Variants in HAUS6 observed in about 807,000 individuals in gnomAD.
HAUS6 encodes HAUS augmin-like complex subunit 6.
In HAUS6, 80 loss-of-function variants were observed where a neutral mutation model predicts 106.8. That is an observed-to-expected ratio of 0.75 (90% confidence interval 0.63 to 0.90). HAUS6 has a LOEUF of 0.90. HAUS6 is among the 40% of genes least tolerant of loss of function. The pLI, the probability that HAUS6 is intolerant of heterozygous loss-of-function variation, is 0.00. For synonymous variants in HAUS6, 356 were observed against 379.1 expected (o/e 0.94, Z 0.71); for missense variants, 1,155 against 1,118.1 (o/e 1.03, Z -0.47).
chr9:19,061,885 C>T (rs1042800769), intron 14 of HAUS6, among the ~76,000 whole-genome samples: 4 of 152,154 alleles, frequency 2.6e-5, no homozygotes, highest in Admixed American at 1.3e-4. Context: ...TTGGACAATG[C>T]TCATTTAGTT....
chr9:19,089,015 G>C (rs1457260683), intron 5 of HAUS6, among the ~76,000 whole-genome samples: 1 of 152,144 alleles, frequency 6.6e-6, no homozygotes. Context: ...GGCTGAGATG[G>C]GCAGAATACG....
In HAUS6 at chr9:19,085,413, TCTC is replaced by T. The variant is rs536211403; in HGVS notation, c.699+1318_699+1320del. On this transcript the variant is annotated intron_variant, in intron 7 of 16. Coordinates refer to ENST00000380502, the MANE Select transcript of HAUS6 (RefSeq NM_017645.5). ...AAGGAAGTGACTTTGCCTTGCCTGTTCTCCTCATTGTTGTAGCCCTAATGTCTA... is the reference window on the plus strand; with the variant it reads ...AAGGAAGTGACTTTGCCTTGCCTGTTCTCATTGTTGTAGCCCTAATGTCTA... Among the ~76,000 whole-genome samples, 631 of 152,252 alleles carry T rather than the reference TCTC, an allele frequency of 4.1e-3. 2 individuals are homozygous for T. The highest frequency in any genetic ancestry group is 0.015 in the African/African-American group (605 of 41,562).
chr9:19,095,662 G>A (rs2131155094), intron 2 of HAUS6, among the ~76,000 whole-genome samples: 1 of 152,090 alleles, frequency 6.6e-6, no homozygotes, highest in East Asian at 1.9e-4. Context: ...TATCAAAAAT[G>A]AAAATAATGC....
intron 12 of HAUS6, among the ~76,000 whole-genome samples, chr9:19,066,962 G>A (rs1836771794): frequency 6.6e-6 from 1 of 150,830 alleles, no homozygotes; most frequent in African/African-American, 2.4e-5. Context: ...AGCTATGACT[G>A]CACCACTGCA....
intron 4 of HAUS6, among the ~76,000 whole-genome samples, chr9:19,089,928 G>A (rs955473739): frequency 6.6e-6 from 1 of 152,042 alleles, no homozygotes; most frequent in Non-Finnish European, 1.5e-5. Flanking sequence ...AACCTTCCGG[G>A]TTCAAGCAAT....
chr9:19,093,365 T>C lies in HAUS6; in HGVS notation c.304-62A>G. The C allele has an allele frequency of 3.6e-6, 5 of 1,384,560 alleles. 1 individual carries two copies. In the South Asian group the frequency reaches 3.7e-5, roughly 10 times the overall value. 85.8% of individuals were successfully genotyped at this position (1,384,560 alleles called of 1,614,324 possible). On this transcript the variant is annotated intron_variant, in intron 3 of 16. Coordinates refer to ENST00000380502, the MANE Select transcript of HAUS6 (RefSeq NM_017645.5). ...GTTAACAATAACTCTTACATTTACA[T>C]CACACTATTTTTGTTAAAGGGTGTG... is the stretch of plus-strand genomic sequence containing the variant.
At chr9:19,076,122 G>A (rs534446738) in intron 11 of HAUS6, among the ~76,000 whole-genome samples, 25 of 152,064 alleles carry the variant, frequency 1.6e-4, no homozygotes, top group Admixed American at 1.4e-3. Flanking sequence ...CACTTTGGGA[G>A]GCTGAGACGG....
rs1042779241 is a variant in HAUS6 at position 19,053,213 on chromosome 9, A to G, written c.*3130T>C. The G allele has an allele frequency of 2.4e-4, 36 of 152,206 alleles. No individual in the cohort carries two copies. Among genetic ancestry groups the G allele is most frequent in the African/African-American group, 8.2e-4 (34 of 41,466 alleles). The allele number at this position is 152,206 out of a possible 1,614,324, so 9.4% of individuals were successfully genotyped here. On this transcript the variant is annotated 3_prime_UTR_variant, in exon 17 of 17. Coordinates refer to ENST00000380502, the MANE Select transcript of HAUS6 (RefSeq NM_017645.5). ...AGAGAGTCCCATAGAGGATTCTCAA[A>G]TATTTTAAACTTAGGATGCAGACTG...
At chr9:19,089,672 A>C (rs1198711821) in intron 4 of HAUS6, 113 bp from the exon 5 acceptor site, 22 of 648,744 alleles carry the variant, frequency 3.4e-5, no homozygotes, top group Admixed American at 7.0e-5. Flanking sequence ...CCCACTGCTA[A>C]ATCTGATTGA....
At chr9:19,086,894 A>T in intron 6 of HAUS6, 112 bp from the exon 7 acceptor site, 1 of 632,402 alleles carries the variant, frequency 1.6e-6, no homozygotes, top group Non-Finnish European at 2.8e-6. Flanking sequence ...CCCAACAAAA[A>T]ATAAAATTTA....
chr9:19,082,049 T>G (rs1837162493), intron 8 of HAUS6, among the ~76,000 whole-genome samples: 1 of 152,142 alleles, frequency 6.6e-6, no homozygotes, highest in African/African-American at 2.4e-5. Flanking sequence ...TGGAAATAAC[T>G]GGATGGAGTT....
Position 19,062,921 on chromosome 9 carries a change from C to T in HAUS6, c.1629+87G>A, listed in dbSNP as rs1441490637. 2.6e-5 allele frequency: 26 copies of T among 1,010,826 alleles called. No homozygotes were observed. In the Admixed American group the frequency reaches 5.0e-4, roughly 19 times the overall value. The allele number at this position is 1,010,826 out of a possible 1,614,324, so 62.6% of individuals were successfully genotyped here. A position where few individuals can be genotyped will look rare whatever the true frequency, so the allele number is the denominator to read the frequency against. ...GCTCAAATGTTCCTCTTGCCGAAAC[C>T]TCCCCAAGTGTTGGGATTACAGACA... On this transcript the variant is annotated intron_variant, in intron 14 of 16. Coordinates refer to ENST00000380502, the MANE Select transcript of HAUS6 (RefSeq NM_017645.5).
chr9:19,093,154 T>G lies in HAUS6; in HGVS notation c.436+17A>C. The G allele has an allele frequency of 6.8e-7, 1 of 1,464,710 alleles. No homozygotes were observed. The highest frequency in any genetic ancestry group is 1.4e-5 in the African/African-American group (1 of 69,666). The allele number at this position is 1,464,710 out of a possible 1,614,324, so 90.7% of individuals were successfully genotyped here. A position where few individuals can be genotyped will look rare whatever the true frequency, so the allele number is the denominator to read the frequency against. ...TTTAAGAATCAAAACAAAAAATCTTTTATAAGTTGAACTTACTTTTAGAAT... is the reference window on the plus strand; with the variant it reads ...TTTAAGAATCAAAACAAAAAATCTTGTATAAGTTGAACTTACTTTTAGAAT... On this transcript the variant is annotated intron_variant, in intron 4 of 16. Coordinates refer to ENST00000380502, the MANE Select transcript of HAUS6 (RefSeq NM_017645.5).
At chr9:19,102,157 C>A (rs544653510) in intron 1 of HAUS6, among the ~76,000 whole-genome samples, 1 of 152,240 alleles carries the variant, frequency 6.6e-6, no homozygotes, top group African/African-American at 2.4e-5. Flanking sequence ...TCCCTTGAGT[C>A]CAAAAGGTGT....
intron 1 of HAUS6, among the ~76,000 whole-genome samples, chr9:19,097,518 A>G (rs1311444301): frequency 6.6e-6 from 1 of 152,154 alleles, no homozygotes; most frequent in African/African-American, 2.4e-5. Flanking sequence ...ATCACTGGCC[A>G]TCAGAGAAAT....
chr9:19,093,600 G>A (rs1465637040), intron 3 of HAUS6, among the ~76,000 whole-genome samples: 1 of 152,150 alleles, frequency 6.6e-6, no homozygotes, highest in Non-Finnish European at 1.5e-5. Context: ...TGGGTGTGGT[G>A]GCTCATACCT....
At chr9:19,099,455 C>T (rs990169636) in intron 1 of HAUS6, among the ~76,000 whole-genome samples, 17 of 152,018 alleles carry the variant, frequency 1.1e-4, no homozygotes, top group African/African-American at 3.6e-4. Flanking sequence ...CGTGAGCCAC[C>T]GCACCCGGCC....
rs765471166 is a variant in HAUS6 at position 19,102,666 on chromosome 9, C to T, written c.-15G>A. On this transcript the variant is annotated 5_prime_UTR_variant, in exon 1 of 17. In the 5' UTR this introduces an upstream ATG that the reference lacks. Coordinates refer to ENST00000380502, the MANE Select transcript of HAUS6 (RefSeq NM_017645.5). The stretch of plus-strand genomic sequence containing the variant: ...GCCGAGCTCATCCTCGCGGTAGGCA[C>T]GGTGGCTGCAAAGAAAGAAAGCGCA... The T allele has an allele frequency of 3.7e-6, 6 of 1,607,380 alleles. No individual in the cohort carries two copies. The highest frequency in any genetic ancestry group is 5.1e-6 in the Non-Finnish European group (6 of 1,176,646).
At chr9:19,086,053 T>C (rs1228566271) in intron 7 of HAUS6, among the ~76,000 whole-genome samples, 1 of 151,592 alleles carries the variant, frequency 6.6e-6, no homozygotes, top group African/African-American at 2.4e-5. Context: ...GGCTCATGCC[T>C]GTAATCCCAG....
Sources: gnomAD v4.1 joint callset for allele counts (sites outside exome capture counted in the v4.1 genomes callset) on GRCh38, gnomAD v4.1.1 for gene constraint, MANE v1.5 for transcripts, NCBI Gene and HGNC (gene_info 2026-07-23, HGNC 2026-07-21) for gene names.